Variants in TTLL5 observed in about 807,000 individuals in gnomAD.
TTLL5 encodes the protein tubulin tyrosine ligase like 5, also known as tubulin polyglutamylase TTLL5.
In TTLL5, 132 loss-of-function variants were observed where a neutral mutation model predicts 168.4. The observed-to-expected ratio is 0.78, with a 90% CI of 0.68 to 0.91. TTLL5 has a LOEUF of 0.91. TTLL5 is among the 40% of genes least tolerant of loss of function. TTLL5 has a pLI of 0.00. For missense variants in TTLL5, 1,545 were observed against 1,581.5 expected (o/e 0.98, Z 0.39); for synonymous variants, 546 against 558.6 (o/e 0.98, Z 0.32).
intron 2 of TTLL5, among the ~76,000 whole-genome samples, chr14:75,666,980 C>T (rs1223999737): frequency 6.6e-6 from 1 of 151,966 alleles, no homozygotes; most frequent in Non-Finnish European, 1.5e-5. Flanking sequence ...TCCCAATTTT[C>T]AGTTTCCTAA....
Position 75,874,911 on chromosome 14 carries a change from G to GA in TTLL5, c.3523-7765dup, listed in dbSNP as rs202080908. 1.2e-3 allele frequency among the ~76,000 whole-genome samples: 134 copies of GA among 114,700 alleles called. 4 individuals carry two copies. The highest frequency in any genetic ancestry group is 0.01 in the East Asian group (33 of 3,238). The allele number at this position is 114,700 out of a possible 152,430, so 75.2% of individuals were successfully genotyped here. ...GGTGCTTTTCTGTTTGTGACACAGA[G>GA]AAAAAAAAAGACACTGGGGGCCTTT... On this transcript the variant is annotated intron_variant, in intron 29 of 31. Coordinates refer to ENST00000298832, the MANE Select transcript of TTLL5 (RefSeq NM_015072.5).
chr14:75,708,381 A>T (rs1886801154), intron 9 of TTLL5, among the ~76,000 whole-genome samples: 1 of 150,082 alleles, frequency 6.7e-6, no homozygotes. Flanking sequence ...TTTGTTTTTG[A>T]GATGGCGTGA....
intron 27 of TTLL5, among the ~76,000 whole-genome samples, chr14:75,811,436 C>T (rs1488025660): frequency 6.6e-6 from 1 of 152,138 alleles, no homozygotes; most frequent in Non-Finnish European, 1.5e-5. Flanking sequence ...GACGATTTTT[C>T]TTTCCTCCTA....
intron 29 of TTLL5, among the ~76,000 whole-genome samples, chr14:75,864,366 A>G (rs2030325641): frequency 6.6e-6 from 1 of 152,222 alleles, no homozygotes; most frequent in Admixed American, 6.5e-5. Context: ...CAGGTCATCT[A>G]TAAATGATAG....
chr14:75,926,109 A>T (rs185344722), intron 31 of TTLL5, among the ~76,000 whole-genome samples: 5 of 122,730 alleles, frequency 4.1e-5, no homozygotes, highest in Non-Finnish European at 8.2e-5. Flanking sequence ...GGAGAGGGAG[A>T]GGGAGAACTT....
chr14:75,680,615 ATTTTTTTTTT>A (rs35254410), intron 3 of TTLL5, among the ~76,000 whole-genome samples: 153 of 101,998 alleles, frequency 1.5e-3, no homozygotes, highest in African/African-American at 5.8e-3. Flanking sequence ...TAGAGCAGGG[ATTTTTTTTTT>A]TTTTTTTTTT....
At chr14:75,797,646 G>A (rs1893066436) in intron 27 of TTLL5, among the ~76,000 whole-genome samples, 1 of 152,060 alleles carries the variant, frequency 6.6e-6, no homozygotes, top group African/African-American at 2.4e-5. Flanking sequence ...TTTGTCAGAT[G>A]CTTTTTCTGT....
intron 26 of TTLL5, among the ~76,000 whole-genome samples, chr14:75,784,648 C>G (rs1892261397): frequency 6.6e-6 from 1 of 152,144 alleles, no homozygotes; most frequent in South Asian, 2.1e-4. Flanking sequence ...TGTATTTCCT[C>G]TTTTTGAGGA....
chr14:75,893,019 A>G (rs1196519795), intron 30 of TTLL5, among the ~76,000 whole-genome samples: 1 of 152,174 alleles, frequency 6.6e-6, no homozygotes, highest in Admixed American at 6.5e-5. Context: ...AAATTCCAAA[A>G]CACATGAAAA....
intron 28 of TTLL5, among the ~76,000 whole-genome samples, chr14:75,851,230 G>A (rs544537781): frequency 6.6e-6 from 1 of 151,910 alleles, no homozygotes; most frequent in South Asian, 2.1e-4. Context: ...CATTCTGTTT[G>A]TGCAAGGGAA....
intron 31 of TTLL5, among the ~76,000 whole-genome samples, chr14:75,922,546 G>A (rs572482706): frequency 1.2e-4 from 18 of 152,192 alleles, no homozygotes; most frequent in African/African-American, 2.2e-4. Context: ...GTTGATTTGC[G>A]TATGTTGAAC....
intron 5 of TTLL5, among the ~76,000 whole-genome samples, chr14:75,687,359 T>C (rs111392653): frequency 0.022 from 3,401 of 152,236 alleles, 109 homozygotes; most frequent in African/African-American, 0.065. Context: ...CTGCAACCTC[T>C]GCCTCCTGGG....
At chr14:75,828,903 C>T (rs576018448) in intron 28 of TTLL5, among the ~76,000 whole-genome samples, 3 of 152,258 alleles carry the variant, frequency 2.0e-5, no homozygotes, top group East Asian at 1.9e-4. Flanking sequence ...ATAGTTGTTA[C>T]AGTAATGTTA....
chr14:75,717,796 T>A, intron 9 of TTLL5, 65 bp from the exon 10 acceptor site: 1 of 1,462,956 alleles, frequency 6.8e-7, no homozygotes, highest in South Asian at 1.2e-5. Context: ...TCATTGATCC[T>A]CAGTTCCAGC....
chr14:75,763,082 A>G (rs188293617), intron 18 of TTLL5, among the ~76,000 whole-genome samples: 2 of 152,310 alleles, frequency 1.3e-5, no homozygotes, highest in African/African-American at 4.8e-5. Flanking sequence ...AGCTATGCCC[A>G]TGTTTGTCCA....
chr14:75,667,762 T>G (rs916660875), intron 2 of TTLL5, among the ~76,000 whole-genome samples: 2 of 144,358 alleles, frequency 1.4e-5, no homozygotes, highest in African/African-American at 2.5e-5. Flanking sequence ...TTTTTTTTTT[T>G]TTTTTTTTTT....
At chr14:75,734,292 G>A (rs1471956010) in intron 14 of TTLL5, among the ~76,000 whole-genome samples, 1 of 152,238 alleles carries the variant, frequency 6.6e-6, no homozygotes, top group South Asian at 2.1e-4. Context: ...CTGAGGAAGA[G>A]AATTAGCAAA....
intron 12 of TTLL5, among the ~76,000 whole-genome samples, chr14:75,725,303 A>G (rs552230106): frequency 6.6e-6 from 1 of 152,348 alleles, no homozygotes; most frequent in Admixed American, 6.5e-5. Context: ...CAGAAAAATA[A>G]TGAGAGTCAT....
At chr14:75,865,375 G>A (rs1005898354) in intron 29 of TTLL5, among the ~76,000 whole-genome samples, 9 of 151,780 alleles carry the variant, frequency 5.9e-5, no homozygotes, top group African/African-American at 1.9e-4. Flanking sequence ...ACTGGATAGT[G>A]GAAGTATCAC....
Sources: gnomAD v4.1 joint callset for allele counts (sites outside exome capture counted in the v4.1 genomes callset) on GRCh38, gnomAD v4.1.1 for gene constraint, MANE v1.5 for transcripts, NCBI Gene and HGNC (gene_info 2026-07-23, HGNC 2026-07-21) for gene names.